STAU2: variants seen among roughly 807,000 people sequenced by gnomAD.
The protein encoded by STAU2 is staufen double-stranded RNA binding protein 2.
A neutral mutation model predicts 65.9 loss-of-function variants in STAU2; 20 were observed. The observed-to-expected ratio is 0.30, with a 90% CI of 0.21 to 0.44. STAU2 has a LOEUF of 0.44. STAU2 is among the 20% of genes least tolerant of loss of function. The probability of loss-of-function intolerance (pLI) is 1.00; values close to 1 mark genes in which losing one functional copy is unlikely to be tolerated. For synonymous variants in STAU2, 232 were observed against 233.9 expected (o/e 0.99, Z 0.07); for missense variants, 558 against 683.9 (o/e 0.82, Z 2.05).
chr8:73,688,006 G>A lies in STAU2; in HGVS notation c.274+648C>T, dbSNP rs12155731. Among the ~76,000 whole-genome samples the A allele has an allele frequency of 3.3e-5, 5 of 150,186 alleles. No individual in the cohort carries two copies. The East Asian group carries it at 9.9e-4, about 30-fold the overall frequency. ...TGGGATGACAGGCGTGAGCCACCGC[G>A]CCCGGCCTACTATCTTTACTTTAAA... On this transcript the variant is annotated intron_variant, in intron 5 of 14. Transcript: ENST00000524300.
rs142482476 is a variant in STAU2, at chr8:73,592,007, T to C, written c.1161+3159A>G. ...AAAAATTCACAGCATTAAATGCTTA[T>C]ATTAGAAAAAAGAAAGTTCTCAGAT... On this transcript the variant is annotated intron_variant, in intron 11 of 14. Transcript: ENST00000524300. 2.3e-3 allele frequency among the ~76,000 whole-genome samples: 349 copies of C among 149,430 alleles called. 1 individual carries two copies. Among genetic ancestry groups the C allele is most frequent in the Non-Finnish European group, 4.2e-3 (285 of 67,440 alleles).
chr8:73,656,129 A>G (rs1218500653), intron 6 of STAU2, among the ~76,000 whole-genome samples: 1 of 152,192 alleles, frequency 6.6e-6, no homozygotes, highest in African/African-American at 2.4e-5. Context: ...CATGAAACTC[A>G]CTGACATTTA....
intron 13 of STAU2, chr8:73,527,711 T>G (rs915299329): frequency 1.3e-6 from 2 of 1,536,662 alleles, no homozygotes; most frequent in Non-Finnish European, 1.7e-6. Flanking sequence ...CTGGCTTCAA[T>G]GGAGCTTCCA....
At chr8:73,553,400 A>G (rs543454829) in intron 12 of STAU2, among the ~76,000 whole-genome samples, 2 of 152,338 alleles carry the variant, frequency 1.3e-5, no homozygotes, top group African/African-American at 2.4e-5. Flanking sequence ...AATGTGTTCT[A>G]TAACATGGTC....
At chr8:73,430,439 C>G (rs1817181156) in intron 13 of STAU2, among the ~76,000 whole-genome samples, 1 of 152,178 alleles carries the variant, frequency 6.6e-6, no homozygotes, top group Non-Finnish European at 1.5e-5. Flanking sequence ...AATCAGGGCT[C>G]TCCTCTCACA....
intron 10 of STAU2, among the ~76,000 whole-genome samples, chr8:73,596,793 G>A (rs915286742): frequency 1.3e-5 from 2 of 152,084 alleles, no homozygotes; most frequent in Non-Finnish European, 2.9e-5. Flanking sequence ...GGGCTGCAGT[G>A]AACCGTGATC....
chr8:73,438,978 C>A, intron 13 of STAU2: 1 of 456,730 alleles, frequency 2.2e-6, no homozygotes, highest in South Asian at 1.5e-5. Context: ...TGTGAGAAAG[C>A]CTCTATACCT....
chr8:73,498,109 T>C (rs897556746), intron 13 of STAU2, among the ~76,000 whole-genome samples: 1 of 151,892 alleles, frequency 6.6e-6, no homozygotes, highest in Non-Finnish European at 1.5e-5. Context: ...ATTTATATTA[T>C]TTAATGAACA....
At chr8:73,553,162 T>A (rs186189122) in intron 12 of STAU2, among the ~76,000 whole-genome samples, 399 of 152,336 alleles carry the variant, frequency 2.6e-3, no homozygotes, top group Non-Finnish European at 3.0e-3. Context: ...CTCAGAGAAG[T>A]TTCAAACCAC....
At chr8:73,746,610 C>T (rs1165006339) in intron 1 of STAU2, among the ~76,000 whole-genome samples, 173 bp downstream of exon 1, 8 of 152,006 alleles carry the variant, frequency 5.3e-5, no homozygotes, top group Non-Finnish European at 1.0e-4. Flanking sequence ...CCGCTGCTGC[C>T]CCGAGAGCCC....
At chr8:73,492,528 T>C (rs9969606) in intron 13 of STAU2, among the ~76,000 whole-genome samples, 83,906 of 151,716 alleles carry the variant, frequency 0.55, 24,786 homozygotes, top group East Asian at 0.89. Flanking sequence ...AGTTAAAAAT[T>C]AGGAAGAAAA....
intron 3 of STAU2, among the ~76,000 whole-genome samples, chr8:73,730,127 T>C (rs1259963423): frequency 1.3e-5 from 2 of 152,230 alleles, no homozygotes; most frequent in East Asian, 3.8e-4. Context: ...ATTTGAGGCC[T>C]TTCTTATTCT....
intron 3 of STAU2, among the ~76,000 whole-genome samples, chr8:73,724,009 T>A (rs891532884): frequency 6.6e-6 from 1 of 152,260 alleles, no homozygotes; most frequent in African/African-American, 2.4e-5. Context: ...GTCTTGTTTT[T>A]ATAATTTACT....
chr8:73,680,977 T>C lies in STAU2; in HGVS notation c.274+7677A>G, dbSNP rs187949671. 1.9e-4 allele frequency among the ~76,000 whole-genome samples: 29 copies of C among 152,050 alleles called. No homozygotes were observed. In the East Asian group the frequency reaches 5.2e-3, roughly 27 times the overall value. On this transcript the variant is annotated intron_variant, in intron 5 of 14. Coordinates refer to ENST00000524300, the MANE Select transcript of STAU2 (RefSeq NM_001164380.2). The stretch of plus-strand genomic sequence containing the variant: ...CCAAGAAGTTTGGGATTATGTTAAA[T>C]GACCAAACCTAAGAATAAGTGGTGT...
intron 13 of STAU2, among the ~76,000 whole-genome samples, chr8:73,523,896 C>A (rs10097236): frequency 0.39 from 59,081 of 151,876 alleles, 11,817 homozygotes; most frequent in African/African-American, 0.47. Context: ...GTAGTTGAGT[C>A]AGGTAATCAG....
At chr8:73,452,232 C>T (rs73686952) in intron 13 of STAU2, among the ~76,000 whole-genome samples, 44 of 152,232 alleles carry the variant, frequency 2.9e-4, no homozygotes, top group Non-Finnish European at 4.9e-4. Flanking sequence ...TTCTCTAACT[C>T]TTCTCTCTCT....
intron 6 of STAU2, among the ~76,000 whole-genome samples, chr8:73,618,253 G>A (rs1223906548): frequency 6.6e-6 from 1 of 152,190 alleles, no homozygotes; most frequent in Non-Finnish European, 1.5e-5. Flanking sequence ...AGATGTAGAT[G>A]TAAGAAAAAG....
At chr8:73,582,738 C>T in intron 12 of STAU2, 32 bp downstream of exon 12, 4 of 1,607,070 alleles carry the variant, frequency 2.5e-6, no homozygotes, top group South Asian at 1.1e-5. Flanking sequence ...TGATGAACAC[C>T]AAGTGCAGAC....
chr8:73,499,967 G>A (rs1294343105), intron 13 of STAU2, among the ~76,000 whole-genome samples: 1 of 151,740 alleles, frequency 6.6e-6, no homozygotes, highest in Non-Finnish European at 1.5e-5. Context: ...GCTGAAGCTG[G>A]GGCTCCATGC....
Sources: gnomAD v4.1 joint callset for allele counts (sites outside exome capture counted in the v4.1 genomes callset) on GRCh38, gnomAD v4.1.1 for gene constraint, MANE v1.5 for transcripts, NCBI Gene and HGNC (gene_info 2026-07-23, HGNC 2026-07-21) for gene names.